Variants in NCOA2 observed in about 807,000 individuals in gnomAD.
NCOA2 encodes the protein class E basic helix-loop-helix protein 75.
In NCOA2, 21 loss-of-function variants were observed where a neutral mutation model predicts 145.1. The observed-to-expected ratio is 0.14, with a 90% confidence interval of 0.10 to 0.21. NCOA2 has a LOEUF of 0.21. NCOA2 is among the 10% of genes least tolerant of loss of function. The probability of loss-of-function intolerance (pLI) is 1.00; values close to 1 mark genes in which losing one functional copy is unlikely to be tolerated. For missense variants in NCOA2, 1,472 were observed against 1,837.6 expected (o/e 0.80, Z 3.64); for synonymous variants, 619 against 637.5 (o/e 0.97, Z 0.44).
chr8:70,396,491 T>C (rs902443717), intron 1 of NCOA2, among the ~76,000 whole-genome samples: 2 of 152,250 alleles, frequency 1.3e-5, no homozygotes, highest in Non-Finnish European at 2.9e-5. Context: ...AATGCTACAG[T>C]AAGAAACATA....
At chr8:70,165,801 T>C (rs1050867656) in intron 7 of NCOA2, among the ~76,000 whole-genome samples, 1 of 152,100 alleles carries the variant, frequency 6.6e-6, no homozygotes, top group South Asian at 2.1e-4. Flanking sequence ...ATTTAAAAGG[T>C]TGTTTTAACT....
intron 9 of NCOA2, among the ~76,000 whole-genome samples, chr8:70,160,509 A>C (rs1812814186): frequency 6.6e-6 from 1 of 152,212 alleles, no homozygotes; most frequent in Admixed American, 6.5e-5. Context: ...TTAAAAAAAA[A>C]GACATAGAAT....
intron 1 of NCOA2, among the ~76,000 whole-genome samples, chr8:70,315,559 A>G (rs556584975): frequency 3.5e-4 from 54 of 152,356 alleles, no homozygotes; most frequent in African/African-American, 1.1e-3. Flanking sequence ...GAAGTCGCCT[A>G]TAAAACTTGA....
intron 2 of NCOA2, among the ~76,000 whole-genome samples, chr8:70,258,505 C>T (rs1272867925): frequency 6.6e-6 from 1 of 152,144 alleles, no homozygotes; most frequent in Non-Finnish European, 1.5e-5. Context: ...AAATCTGTAT[C>T]TGCTACTTTT....
At chr8:70,154,693 T>G (rs1812097185) in intron 11 of NCOA2, among the ~76,000 whole-genome samples, 1 of 152,210 alleles carries the variant, frequency 6.6e-6, no homozygotes. Flanking sequence ...ATGAGCCACC[T>G]CACCCAGTCT....
At position 70,253,828 on chromosome 8, in the gene NCOA2, T is replaced by C. The variant is rs531610639; in HGVS notation, c.-19-37064A>G. 5.9e-5 allele frequency among the ~76,000 whole-genome samples: 9 copies of C among 152,292 alleles called. No homozygotes were observed. In the South Asian group the frequency reaches 1.9e-3, roughly 32 times the overall value. On this transcript the variant is annotated intron_variant, in intron 2 of 22. Transcript: ENST00000452400. ...AAGAAAACACAGGGGAAAAACTTCA[T>C]GACACAGGATTTGGTATTTCTTATA...
intron 4 of NCOA2, among the ~76,000 whole-genome samples, chr8:70,189,492 C>T (rs550607132): frequency 6.6e-6 from 1 of 152,286 alleles, no homozygotes; most frequent in African/African-American, 2.4e-5. Flanking sequence ...CATGTAGACA[C>T]CATGTAGACC....
the NCOA2 span, among the ~76,000 whole-genome samples, chr8:70,409,051 C>T: frequency 6.6e-6 from 1 of 152,186 alleles, no homozygotes; most frequent in Non-Finnish European, 1.5e-5. Flanking sequence ...CCATCCTGGG[C>T]AACAGAAATG....
chr8:70,238,415 A>G (rs955776588), intron 2 of NCOA2, among the ~76,000 whole-genome samples: 1 of 91,282 alleles, frequency 1.1e-5, no homozygotes, highest in African/African-American at 4.4e-5. Context: ...AGAGGAGAAA[A>G]CAGATTCAGA....
chr8:70,351,546 G>C (rs993251252), intron 1 of NCOA2, among the ~76,000 whole-genome samples: 1 of 148,648 alleles, frequency 6.7e-6, no homozygotes, highest in African/African-American at 2.5e-5. Context: ...CTTTATCTAG[G>C]TTTCTTGACT....
chr8:70,328,361 A>G (rs1344232912), intron 1 of NCOA2, among the ~76,000 whole-genome samples: 1 of 152,202 alleles, frequency 6.6e-6, no homozygotes, highest in Non-Finnish European at 1.5e-5. Flanking sequence ...GACAATTTGT[A>G]TGTTTCTACG....
intron 1 of NCOA2, among the ~76,000 whole-genome samples, chr8:70,352,301 T>C (rs541706550): frequency 4.7e-4 from 71 of 152,244 alleles, no homozygotes; most frequent in African/African-American, 1.5e-3. Flanking sequence ...CTGAAAAAAA[T>C]TGCCCAATGT....
intron 1 of NCOA2, among the ~76,000 whole-genome samples, chr8:70,323,445 A>G (rs1296642711): frequency 1.3e-5 from 2 of 152,256 alleles, no homozygotes; most frequent in Non-Finnish European, 2.9e-5. Flanking sequence ...AGGATGAAAC[A>G]TAAGTAATGC....
In NCOA2 at chr8:70,111,441, G is replaced by C. The variant is rs1585678494; in HGVS notation, c.*2191C>G. 1 of 219,318 alleles carries C rather than the reference G, an allele frequency of 4.6e-6. No homozygotes were observed. The highest frequency in any genetic ancestry group is 6.7e-5 in the East Asian group (1 of 14,956). The allele number at this position is 219,318 out of a possible 1,614,324, so 13.6% of individuals were successfully genotyped here. The stretch of plus-strand genomic sequence containing the variant: ...ATGCCACATGAGCCTCAGCCCACGG[G>C]GAGGTCCTGGAGTTCTGGGCCAACA... On this transcript the variant is annotated 3_prime_UTR_variant, in exon 23 of 23. Transcript: ENST00000452400.
intron 4 of NCOA2, among the ~76,000 whole-genome samples, chr8:70,203,261 C>CAAAAAAAAAAAAAAAAAAAAAA (rs34990647): frequency 6.6e-5 from 8 of 121,890 alleles, no homozygotes; most frequent in Non-Finnish European, 9.8e-5. Context: ...GACTCTGTCT[C>CAAAAAAAAAAAAAAAAAAAAAA]AAAAAAAAAA....
chr8:70,270,803 T>A (rs1057128967), intron 2 of NCOA2, among the ~76,000 whole-genome samples: 4 of 152,222 alleles, frequency 2.6e-5, no homozygotes, highest in African/African-American at 4.8e-5. Context: ...GGAAAACGAT[T>A]TTGAAATCTG....
At chr8:70,287,646 C>A (rs1446907165) in intron 2 of NCOA2, among the ~76,000 whole-genome samples, 1 of 152,130 alleles carries the variant, frequency 6.6e-6, no homozygotes, top group African/African-American at 2.4e-5. Context: ...ATCTGTGTAA[C>A]CTCATTTGAA....
the NCOA2 span, among the ~76,000 whole-genome samples, chr8:70,417,768 A>G: frequency 1.3e-5 from 2 of 152,190 alleles, no homozygotes; most frequent in African/African-American, 4.8e-5. Flanking sequence ...ACTCTAGGGT[A>G]TAGAGGACTA....
upstream of NCOA2, among the ~76,000 whole-genome samples, chr8:70,406,822 AT>A (rs1309681392): frequency 1.6e-3 from 242 of 152,290 alleles, 2 homozygotes; most frequent in Non-Finnish European, 2.9e-4. Context: ...ATTCTATACT[AT>A]TTTTGAGTTA....
Sources: gnomAD v4.1 joint callset for allele counts (sites outside exome capture counted in the v4.1 genomes callset) on GRCh38, gnomAD v4.1.1 for gene constraint, MANE v1.5 for transcripts, NCBI Gene and HGNC (gene_info 2026-07-23, HGNC 2026-07-21) for gene names.